Variants in CDC42EP4 observed in about 807,000 individuals in gnomAD.
CDC42EP4 encodes the protein CDC42 effector protein (Rho GTPase binding) 4.
A neutral mutation model predicts 5.6 loss-of-function variants in CDC42EP4; 6 were observed. The observed-to-expected ratio is 1.07, with a 90% CI of 0.59 to 2.12. The LOEUF (loss-of-function observed/expected upper bound fraction) is 2.12. Ranked by LOEUF, CDC42EP4 falls within the 30% of genes most tolerant of loss-of-function variation. The pLI, the probability that CDC42EP4 is intolerant of heterozygous loss-of-function variation, is 0.00. For synonymous variants in CDC42EP4, 230 were observed against 224.2 expected, an observed-to-expected ratio of 1.03 and a Z score of -0.23; for missense variants, 490 against 508.6, an observed-to-expected ratio of 0.96 and a Z score of 0.35.
intron 1 of CDC42EP4, among the ~76,000 whole-genome samples, chr17:73,305,184 C>G (rs1434243161): frequency 2.0e-5 from 3 of 152,240 alleles, no homozygotes; most frequent in Admixed American, 1.3e-4. Flanking sequence ...GGCAACTTCA[C>G]TTGATTACAG....
chr17:73,298,617 G>T (rs1372018638), intron 1 of CDC42EP4, among the ~76,000 whole-genome samples: 1 of 152,244 alleles, frequency 6.6e-6, no homozygotes, highest in Non-Finnish European at 1.5e-5. Flanking sequence ...CAGCACCCAG[G>T]TGCTCCAGCC....
chr17:73,293,897 C>T (rs777890378), intron 1 of CDC42EP4, among the ~76,000 whole-genome samples: 2 of 152,150 alleles, frequency 1.3e-5, no homozygotes, highest in Non-Finnish European at 2.9e-5. Flanking sequence ...ACTTCAATGC[C>T]GACTGTGTTG....
chr17:73,309,038 C>CAAAAAAAAAAAAAAAAAAAA (rs57714877), intron 1 of CDC42EP4, among the ~76,000 whole-genome samples: 1 of 34,012 alleles, frequency 2.9e-5, no homozygotes, highest in African/African-American at 1.2e-4. Flanking sequence ...GCTCTGTCTC[C>CAAAAAAAAAAAAAAAAAAAA]AAAAAAAAAA....
intron 1 of CDC42EP4, among the ~76,000 whole-genome samples, chr17:73,298,426 G>A (rs755987932): frequency 2.0e-5 from 3 of 152,202 alleles, no homozygotes; most frequent in African/African-American, 4.8e-5. Flanking sequence ...CCACCCTACC[G>A]GAGATCGGCC....
In CDC42EP4 at chr17:73,284,287, G is replaced by A. The variant is rs1011218187; in HGVS notation, c.*1143C>T. On this transcript the variant is annotated 3_prime_UTR_variant, in exon 2 of 2. Coordinates refer to ENST00000335793, the MANE Select transcript of CDC42EP4 (RefSeq NM_012121.5). ...AAGTAGTCAGTACTGAGGGTATTGA[G>A]GGGAGGGAGGGAATAACTCAGCCAA... 2.0e-5 allele frequency: 3 copies of A among 152,012 alleles called. No individual in the cohort carries two copies. Among genetic ancestry groups the A allele is most frequent in the Non-Finnish European group, 2.9e-5 (2 of 68,006 alleles). The allele number at this position is 152,012 out of a possible 1,614,324, so 9.4% of individuals were successfully genotyped here.
intron 1 of CDC42EP4, among the ~76,000 whole-genome samples, chr17:73,307,487 A>G (rs368488236): frequency 1.1e-3 from 156 of 137,302 alleles, no homozygotes; most frequent in Admixed American, 3.7e-3. Context: ...TCGCTCTGTC[A>G]CCCAGGCTAG....
chr17:73,287,771 C>G (rs1016190822), intron 1 of CDC42EP4, among the ~76,000 whole-genome samples: 9 of 152,160 alleles, frequency 5.9e-5, no homozygotes, highest in Admixed American at 2.6e-4. Context: ...TCCAGACCCA[C>G]TCTTCCCACT....
chr17:73,286,350 A>T lies in CDC42EP4; in HGVS notation c.151T>A (p.Ser51Thr). 1 of 1,614,118 alleles carries T rather than the reference A, an allele frequency of 6.2e-7. No homozygotes were observed. Among genetic ancestry groups the T allele is most frequent in the East Asian group, 2.2e-5 (1 of 44,874 alleles). ...GRAGDAFGDT[S>T]FLNSKAGEPD... Reference sequence around the variant, plus strand: ...TCGCCAGCCTTGCTATTGAGGAAGGAGGTGTCCCCAAAGGCGTCTCCGGCC... The same window carrying T: ...TCGCCAGCCTTGCTATTGAGGAAGGTGGTGTCCCCAAAGGCGTCTCCGGCC... The change falls in exon 2 of 2, where the codon TCC becomes ACC. Residue 51 changes from serine (S) to threonine (T), a missense_variant. By Grantham distance (58) the Ser-to-Thr change is moderately conservative. Transcript: ENST00000335793. The surrounding 1 kb of genome is among the most constrained non-coding windows in gnomAD (Gnocchi z 7.7).
In CDC42EP4 at chr17:73,302,451, T is replaced by C. The variant is rs560056256; in HGVS notation, c.-113+9442A>G. Among the ~76,000 whole-genome samples, 21 of 152,200 alleles carry C rather than the reference T, an allele frequency of 1.4e-4. No homozygotes were observed. In the East Asian group the frequency reaches 3.9e-3, roughly 28 times the overall value. Reference sequence around the variant, plus strand: ...ATAAGGCTACTGAGTACTTAACATGTGGTTAGTGTGATTAAGGAGCTGAAT... The same window carrying C: ...ATAAGGCTACTGAGTACTTAACATGCGGTTAGTGTGATTAAGGAGCTGAAT... On this transcript the variant is annotated intron_variant, in intron 1 of 1. Transcript: ENST00000335793.
chr17:73,288,915 A>G (rs946051813), intron 1 of CDC42EP4, among the ~76,000 whole-genome samples: 4 of 152,184 alleles, frequency 2.6e-5, no homozygotes, highest in Non-Finnish European at 4.4e-5. Flanking sequence ...CTTGCCACAC[A>G]GTGACGTGGG....
intron 1 of CDC42EP4, among the ~76,000 whole-genome samples, chr17:73,308,343 G>A (rs947574178): frequency 1.3e-5 from 2 of 152,168 alleles, no homozygotes; most frequent in Non-Finnish European, 2.9e-5. Flanking sequence ...TTTCCAGGGC[G>A]AGATTGCTCA....
chr17:73,308,043 T>C (rs1313961578), intron 1 of CDC42EP4, among the ~76,000 whole-genome samples: 1 of 152,094 alleles, frequency 6.6e-6, no homozygotes, highest in Non-Finnish European at 1.5e-5. Context: ...TGCCCGGCCC[T>C]AATGTCTGAA....
At chr17:73,288,920 C>T (rs9890143) in intron 1 of CDC42EP4, among the ~76,000 whole-genome samples, 40,437 of 152,096 alleles carry the variant, frequency 0.27, 5,755 homozygotes, top group Non-Finnish European at 0.32. Flanking sequence ...CACACAGTGA[C>T]GTGGGCGAGG....
At chr17:73,292,426 A>G (rs543332013) in intron 1 of CDC42EP4, among the ~76,000 whole-genome samples, 1 of 142,864 alleles carries the variant, frequency 7.0e-6, no homozygotes, top group East Asian at 2.1e-4. Flanking sequence ...ATATTCACAA[A>G]CTCTTCTAGG....
intron 1 of CDC42EP4, chr17:73,309,763 C>T (rs59278201): frequency 0.22 from 33,953 of 152,148 alleles, 3,874 homozygotes; most frequent in South Asian, 0.37. Flanking sequence ...ACCCCAGAAC[C>T]ACCGCCCATA....
At chr17:73,309,201 G>A (rs1316963910) in intron 1 of CDC42EP4, among the ~76,000 whole-genome samples, 1 of 151,382 alleles carries the variant, frequency 6.6e-6, no homozygotes, top group African/African-American at 2.4e-5. Context: ...TACAAAAAAT[G>A]GCTGGGCGTG....
chr17:73,307,452 T>TC lies in CDC42EP4; in HGVS notation c.-113+4440_-113+4441insG, dbSNP rs1292684842. 2.0e-5 allele frequency: 3 copies of TC among 150,278 alleles called. No individual in the cohort carries two copies. The East Asian group carries it at 5.8e-4, about 29-fold the overall frequency. 9.3% of individuals were successfully genotyped at this position (150,278 alleles called of 1,614,324 possible). ...GTCTGAATTTTTCTTTCTTTCTTTT[T>TC]TTTTTTTTTTTTTTAGACGGAGTCT... On this transcript the variant is annotated intron_variant, in intron 1 of 1. Coordinates refer to ENST00000335793, the MANE Select transcript of CDC42EP4 (RefSeq NM_012121.5).
rs554983651 is a variant in CDC42EP4 at position 73,303,043 on chromosome 17, C to CAA, written c.-113+8848_-113+8849dup. ...TGGGGGACAGCATCAGACTCCGTCT[C>CAA]AAAAAAAAAAAGATAATTGGCCAGG... On this transcript the variant is annotated intron_variant, in intron 1 of 1. Coordinates refer to ENST00000335793, the MANE Select transcript of CDC42EP4 (RefSeq NM_012121.5). Among the ~76,000 whole-genome samples the CAA allele has an allele frequency of 6.6e-4, 77 of 116,846 alleles. 4 individuals are homozygous for CAA. The highest frequency in any genetic ancestry group is 2.7e-3 in the African/African-American group (73 of 27,168). 76.7% of individuals were successfully genotyped at this position (116,846 alleles called of 152,430 possible).
chr17:73,297,664 T>C (rs902186346), intron 1 of CDC42EP4, among the ~76,000 whole-genome samples: 1 of 151,968 alleles, frequency 6.6e-6, no homozygotes, highest in African/African-American at 2.4e-5. Flanking sequence ...TATTTATTTA[T>C]TTATTTATTT....
Sources: allele counts gnomAD v4.1 joint callset (sites outside exome capture counted in the v4.1 genomes callset), GRCh38; gene constraint gnomAD v4.1.1; non-coding constraint Gnocchi (gnomAD v3.1); transcripts MANE v1.5; gene names NCBI Gene and HGNC (gene_info 2026-07-23, HGNC 2026-07-21).